Variants in HDAC9 observed in about 807,000 individuals in gnomAD.
The protein encoded by HDAC9 is MEF-2 interacting transcription repressor (MITR) protein.
In HDAC9, 41 loss-of-function variants were observed where a neutral mutation model predicts 139.4. That is an observed-to-expected ratio of 0.29 (90% CI 0.23 to 0.38). The LOEUF is 0.38. HDAC9 is among the 10% of genes least tolerant of loss of function. The pLI is 1.00. For missense variants in HDAC9, 1,147 were observed against 1,297.0 expected, an observed-to-expected ratio of 0.88 and a Z score of 1.78; for synonymous variants, 517 against 476.2, an observed-to-expected ratio of 1.09 and a Z score of -1.12.
intron 6 of HDAC9, among the ~76,000 whole-genome samples, chr7:18,618,122 C>T (rs1839168081): frequency 6.6e-6 from 1 of 151,928 alleles, no homozygotes; most frequent in African/African-American, 2.4e-5. Flanking sequence ...AGACAAAAAC[C>T]TAAAGTAATA....
chr7:18,520,784 G>A (rs1586621081), intron 2 of HDAC9, among the ~76,000 whole-genome samples: 2 of 152,168 alleles, frequency 1.3e-5, no homozygotes, highest in South Asian at 2.1e-4. Flanking sequence ...AAGCAAGAGG[G>A]TTTATGAAAG....
chr7:18,092,579 G>C (rs1782240161), intron 1 of HDAC9, among the ~76,000 whole-genome samples: 1 of 152,006 alleles, frequency 6.6e-6, no homozygotes, highest in Non-Finnish European at 1.5e-5. Context: ...TAAAAGAGAG[G>C]ATTCTCCACA....
intron 6 of HDAC9, among the ~76,000 whole-genome samples, chr7:18,617,718 G>T (rs1385418232): frequency 6.6e-6 from 1 of 152,110 alleles, no homozygotes; most frequent in Non-Finnish European, 1.5e-5. Context: ...AGTATCTTTA[G>T]CCTATTTATT....
At chr7:18,407,027 G>A (rs1431488013) in intron 1 of HDAC9, among the ~76,000 whole-genome samples, 2 of 152,062 alleles carry the variant, frequency 1.3e-5, no homozygotes, top group African/African-American at 4.8e-5. Flanking sequence ...GCAATTAAAG[G>A]TGTATCAATA....
At position 18,088,382 on chromosome 7, in the gene HDAC9, A is replaced by T. The variant is rs143387362; in HGVS notation, c.-97+1169A>T. 2.8e-3 allele frequency among the ~76,000 whole-genome samples: 426 copies of T among 152,336 alleles called. 3 individuals are homozygous for T. Among genetic ancestry groups the T allele is most frequent in the African/African-American group, 9.9e-3 (410 of 41,582 alleles). Reference sequence around the variant, plus strand: ...TCATAAGGAGTAAGATTTAGGAATTACAAGTATTCAGAGCACTGTCATGTT... The same window carrying T: ...TCATAAGGAGTAAGATTTAGGAATTTCAAGTATTCAGAGCACTGTCATGTT... On this transcript the variant is annotated intron_variant, in intron 1 of 12. Coordinates refer to the HDAC9 transcript ENST00000417496.
chr7:18,733,689 A>G (rs923162059), intron 13 of HDAC9, among the ~76,000 whole-genome samples: 1 of 151,940 alleles, frequency 6.6e-6, no homozygotes, highest in African/African-American at 2.4e-5. Context: ...GTATACATAC[A>G]TACACACACA....
In HDAC9 at chr7:18,648,365, G is replaced by A. The variant is rs940799360; in HGVS notation, c.1250-101G>A. On this transcript the variant is annotated intron_variant, in intron 10 of 25. Transcript: ENST00000686413. ...TTCTTACAGTTTATACCATGTATCT[G>A]TTTTCTTTGGCTTCTTATCTTTTCT... 4 of 999,822 alleles carry A rather than the reference G, an allele frequency of 4.0e-6. No homozygotes were observed. In the African/African-American group the frequency reaches 4.9e-5, roughly 12 times the overall value. 61.9% of individuals were successfully genotyped at this position (999,822 alleles called of 1,614,324 possible).
chr7:18,764,574 CT>C (rs923214076), intron 15 of HDAC9, among the ~76,000 whole-genome samples: 1 of 151,974 alleles, frequency 6.6e-6, no homozygotes, highest in African/African-American at 2.4e-5. Context: ...ACTTTTAATA[CT>C]TTTTTTGCTC....
At chr7:18,120,988 A>T (rs974967219) in intron 1 of HDAC9, among the ~76,000 whole-genome samples, 2 of 152,152 alleles carry the variant, frequency 1.3e-5, no homozygotes, top group Admixed American at 1.3e-4. Flanking sequence ...AGACATAGAG[A>T]TGAGAGAATG....
chr7:18,496,060 A>G, intron 1 of HDAC9, 37 bp downstream of exon 1: 1 of 1,433,912 alleles, frequency 7.0e-7, no homozygotes. Flanking sequence ...GTCTTTTTAA[A>G]AGTGGATGCC....
chr7:18,259,646 T>G (rs1490922171), intron 2 of HDAC9, among the ~76,000 whole-genome samples: 1 of 152,216 alleles, frequency 6.6e-6, no homozygotes. Flanking sequence ...ATTACAGGCG[T>G]GAGCCATCAT....
intron 11 of HDAC9, among the ~76,000 whole-genome samples, chr7:18,655,853 T>C (rs1363498941): frequency 1.9e-4 from 29 of 152,244 alleles, no homozygotes; most frequent in Admixed American, 1.8e-3. Context: ...ATCTGGGGAA[T>C]TAAACCACGT....
intron 24 of HDAC9, among the ~76,000 whole-genome samples, chr7:18,958,354 C>A (rs1027634069): frequency 1.3e-5 from 2 of 152,154 alleles, no homozygotes; most frequent in African/African-American, 4.8e-5. Flanking sequence ...TCAGCCATCT[C>A]ACTTTCTGAA....
intron 2 of HDAC9, among the ~76,000 whole-genome samples, chr7:18,278,827 T>C (rs1796913524): frequency 6.6e-6 from 1 of 152,146 alleles, no homozygotes; most frequent in Non-Finnish European, 1.5e-5. Flanking sequence ...TTGAAAAGTA[T>C]GAAGAGGTGT....
intron 1 of HDAC9, among the ~76,000 whole-genome samples, chr7:18,406,417 G>C (rs1246320794): frequency 6.6e-6 from 1 of 151,160 alleles, no homozygotes; most frequent in Non-Finnish European, 1.5e-5. Context: ...TTTTGAGATG[G>C]AGTCTCGCTC....
chr7:18,762,495 T>C lies in HDAC9; in HGVS notation c.2164+218T>C, dbSNP rs11979465. ...AATGTAGGTTCCATGGTGTTTACTT[T>C]AGAATTAACCTTCATTTGAATAACA... On this transcript the variant is annotated intron_variant, in intron 15 of 25. Transcript: ENST00000686413. Among the ~76,000 whole-genome samples, 447 of 152,354 alleles carry C rather than the reference T, an allele frequency of 2.9e-3. 2 individuals are homozygous for C. The highest frequency in any genetic ancestry group is 9.9e-3 in the African/African-American group (410 of 41,596).
rs541604238 is a variant in HDAC9, at chr7:18,290,513, C to T, written c.-44C>T. On this transcript the variant is annotated splice_region_variant and 5_prime_UTR_variant, in exon 1 of 4. Coordinates refer to the HDAC9 transcript ENST00000413509. Reference sequence around the variant, plus strand: ...GGCAAAGAGGGAATGCACAACAAAACGGGTAAGTTTCTTTATTTTAATCTT... The same window carrying T: ...GGCAAAGAGGGAATGCACAACAAAATGGGTAAGTTTCTTTATTTTAATCTT... 7.7e-5 allele frequency: 35 copies of T among 456,484 alleles called. 2 individuals are homozygous for T. The highest frequency in any genetic ancestry group is 7.6e-4 in the East Asian group (11 of 14,382). The allele number at this position is 456,484 out of a possible 1,614,324, so 28.3% of individuals were successfully genotyped here. A position where few individuals can be genotyped will look rare whatever the true frequency, so the allele number is the denominator to read the frequency against.
At chr7:18,823,205 T>C (rs1225914140) in intron 17 of HDAC9, among the ~76,000 whole-genome samples, 1 of 152,070 alleles carries the variant, frequency 6.6e-6, no homozygotes, top group Non-Finnish European at 1.5e-5. Flanking sequence ...GGTGGAAGAA[T>C]GTAGACATTG....
intron 1 of HDAC9, among the ~76,000 whole-genome samples, chr7:18,441,757 A>G (rs1791782403): frequency 6.6e-6 from 1 of 150,866 alleles, no homozygotes; most frequent in Non-Finnish European, 1.5e-5. Context: ...ACACACACAT[A>G]TATGTTTTGT....
Sources: gnomAD v4.1 joint callset for allele counts (sites outside exome capture counted in the v4.1 genomes callset) on GRCh38, gnomAD v4.1.1 for gene constraint, MANE v1.5 for transcripts, NCBI Gene and HGNC (gene_info 2026-07-23, HGNC 2026-07-21) for gene names.